The following TP73 variants were observed in gnomAD, a reference collection of about 807,000 sequenced individuals.
TP73 encodes the protein p53-like transcription factor.
Under a neutral mutation model 62.5 loss-of-function variants are expected in TP73, and 25 were observed. The observed-to-expected ratio is 0.40, with a 90% CI of 0.29 to 0.56. The LOEUF is 0.56. TP73 is among the 20% of genes least tolerant of loss of function. The pLI is 0.46. For missense variants in TP73, 754 were observed against 913.3 expected (o/e 0.83, Z 2.25); for synonymous variants, 423 against 377.5 (o/e 1.12, Z -1.40).
Position 3,723,357 on chromosome 1 carries a change from A to C in TP73, c.620A>C (p.Gln207Pro), listed in dbSNP as rs1471875952. 4.3e-6 allele frequency: 7 copies of C among 1,612,134 alleles called. No individual in the cohort carries two copies. The highest frequency in any genetic ancestry group is 1.3e-5 in the African/African-American group (1 of 74,922). The change falls in exon 6 of 14, where the codon CAG becomes CCG. Residue 207 changes from glutamine to proline, a missense_variant. Coordinates refer to ENST00000378295, the MANE Select transcript of TP73 (RefSeq NM_005427.4). The stretch of plus-strand genomic sequence containing the variant: ...AAGTGTCGACCCCTCCCGGCAGGAC[A>C]GTCTGCTCCAGCCAGCCACCTCATC... ...HELGRDFNEG[Q>P]SAPASHLIRV...
At chr1:3,679,708 GTC>G (rs1285768453) in intron 1 of TP73, among the ~76,000 whole-genome samples, 1 of 138,724 alleles carries the variant, frequency 7.2e-6, no homozygotes, top group Non-Finnish European at 1.5e-5. Flanking sequence ...CTCTGCCTTT[GTC>G]TCTCTCCGTC....
At chr1:3,654,264 G>A (rs1449860021) in intron 1 of TP73, among the ~76,000 whole-genome samples, 3 of 152,218 alleles carry the variant, frequency 2.0e-5, no homozygotes, top group Admixed American at 6.5e-5. Flanking sequence ...TGGGGTGAAC[G>A]GAAGGCGGAC....
intron 3 of TP73, among the ~76,000 whole-genome samples, chr1:3,690,078 A>G (rs78495330): frequency 0.028 from 4,224 of 152,248 alleles, 93 homozygotes; most frequent in East Asian, 0.067. Flanking sequence ...TTCTTTGGCA[A>G]CAGTGGCTTG....
rs765656860 is a variant in TP73, at chr1:3,718,832, G to A, written c.430-3189G>A. On this transcript the variant is annotated intron_variant, in intron 4 of 13. Coordinates refer to ENST00000378295, the MANE Select transcript of TP73 (RefSeq NM_005427.4). ...AAGAAGCCTCGGGGGACTCAGCCCC[G>A]GAAAGGGAACTGTAGGGAAGCGGGG... Among the ~76,000 whole-genome samples, 21 of 152,176 alleles carry A rather than the reference G, an allele frequency of 1.4e-4. 1 individual carries two copies. Among genetic ancestry groups the A allele is most frequent in the Non-Finnish European group, 8.8e-5 (6 of 68,020 alleles).
At chr1:3,726,105 G>A (rs1289813595) in intron 6 of TP73, among the ~76,000 whole-genome samples, 2 of 70,390 alleles carry the variant, frequency 2.8e-5, no homozygotes, top group Non-Finnish European at 2.7e-5. Flanking sequence ...GGGTGGGTGG[G>A]TGGATGGATG....
intron 1 of TP73, among the ~76,000 whole-genome samples, chr1:3,653,308 C>T (rs567232621): frequency 1.4e-4 from 22 of 152,358 alleles, no homozygotes; most frequent in African/African-American, 5.3e-4. Flanking sequence ...AGAAATGGCC[C>T]GGGCCGGCCT....
At chr1:3,691,176 C>T (rs555928144) in intron 3 of TP73, among the ~76,000 whole-genome samples, 5 of 152,208 alleles carry the variant, frequency 3.3e-5, no homozygotes, top group African/African-American at 1.2e-4. Flanking sequence ...TGGGCAGGGA[C>T]CCGCAGCCAG....
At chr1:3,678,536 C>T (rs542905835) in intron 1 of TP73, among the ~76,000 whole-genome samples, 1 of 152,380 alleles carries the variant, frequency 6.6e-6, no homozygotes, top group South Asian at 2.1e-4. Context: ...TTGGCGTTTT[C>T]CCAGGAAGTT....
chr1:3,703,826 C>T (rs374598533), intron 3 of TP73, among the ~76,000 whole-genome samples: 4 of 152,204 alleles, frequency 2.6e-5, no homozygotes, highest in Middle Eastern at 3.2e-3. Flanking sequence ...CCTTGAGCCC[C>T]GGGATGTTCT....
intron 1 of TP73, 92 bp from the exon 2 acceptor site, chr1:3,682,241 G>A: frequency 2.1e-6 from 2 of 970,824 alleles, no homozygotes; most frequent in Non-Finnish European, 2.8e-6. Context: ...CCCCAGGCAG[G>A]CCCACTTGCC....
intron 3 of TP73, chr1:3,698,226 G>A: frequency 1.5e-6 from 1 of 656,922 alleles, no homozygotes; most frequent in Non-Finnish European, 1.9e-6. Context: ...CACCTGGGTT[G>A]GGCTCTGGGG....
chr1:3,687,127 G>A (rs1645678338), intron 3 of TP73, among the ~76,000 whole-genome samples: 1 of 152,190 alleles, frequency 6.6e-6, no homozygotes, highest in South Asian at 2.1e-4. Flanking sequence ...GGCTGTCCCT[G>A]AAGACCCTAC....
At chr1:3,718,558 T>C (rs1414617303) in intron 4 of TP73, among the ~76,000 whole-genome samples, 1 of 136,522 alleles carries the variant, frequency 7.3e-6, no homozygotes, top group Non-Finnish European at 1.6e-5. Context: ...GGCAGGGGCC[T>C]AGGGGAGGGG....
chr1:3,725,953 A>G (rs1339205992), intron 6 of TP73, among the ~76,000 whole-genome samples: 40 of 44,226 alleles, frequency 9.0e-4, no homozygotes, highest in Non-Finnish European at 1.1e-3. Context: ...TAATGGGGGG[A>G]GTGGATGGAT....
At chr1:3,718,015 A>G (rs1270719376) in intron 4 of TP73, among the ~76,000 whole-genome samples, 2 of 152,144 alleles carry the variant, frequency 1.3e-5, no homozygotes, top group African/African-American at 4.8e-5. Context: ...AAGTGCTCAC[A>G]TCGCCTGAGG....
At chr1:3,730,792 G>T in intron 11 of TP73, 135 bp from the exon 12 acceptor site, 1 of 1,205,396 alleles carries the variant, frequency 8.3e-7, no homozygotes, top group African/African-American at 1.5e-5. Context: ...CTAGCTGGCA[G>T]GGGTGATGCC....
intron 1 of TP73, among the ~76,000 whole-genome samples, chr1:3,661,397 A>G (rs1644984020): frequency 6.6e-6 from 1 of 152,204 alleles, no homozygotes; most frequent in Non-Finnish European, 1.5e-5. Flanking sequence ...AAATGCAGAA[A>G]GTTAGATAGT....
rs147724597 is a variant in TP73, at chr1:3,696,451, G to A, written c.187-11098G>A. ...GACCTCTAGGGAGTCCTGCACATGG[G>A]CACTTACAGTCAGGGCTCTGGGGGA... On this transcript the variant is annotated intron_variant, in intron 3 of 13. Transcript: ENST00000378295. This position sits in a 1 kb window ranked among gnomAD's most constrained non-coding sequence, Gnocchi z 4.1. Among the ~76,000 whole-genome samples the A allele has an allele frequency of 3.0e-3, 461 of 152,064 alleles. 4 individuals carry two copies. Among genetic ancestry groups the A allele is most frequent in the South Asian group, 0.012 (59 of 4,794 alleles).
chr1:3,674,136 G>A (rs1053392968), intron 1 of TP73, among the ~76,000 whole-genome samples: 1 of 152,220 alleles, frequency 6.6e-6, no homozygotes, highest in Non-Finnish European at 1.5e-5. Context: ...ACTTGGCTGA[G>A]TGTGAACTGA....
Sources: allele counts gnomAD v4.1 joint callset (sites outside exome capture counted in the v4.1 genomes callset), GRCh38; gene constraint gnomAD v4.1.1; non-coding constraint Gnocchi (gnomAD v3.1); transcripts MANE v1.5; gene names NCBI Gene and HGNC (gene_info 2026-07-23, HGNC 2026-07-21).